The following SHANK1 variants were observed in gnomAD, a reference collection of about 807,000 sequenced individuals.
SHANK1 encodes the protein SH3 and multiple ankyrin repeat domains 1, also known as SH3 and multiple ankyrin repeat domains protein 1.
A neutral mutation model predicts 165.6 loss-of-function variants in SHANK1; 35 were observed. That is an observed-to-expected ratio of 0.21 (90% CI 0.16 to 0.28). The LOEUF is 0.28. Among genes scored for constraint, SHANK1 ranks in the 10% least tolerant of loss-of-function variants. The pLI is 1.00. For synonymous variants in SHANK1, 1,428 were observed against 1,384.8 expected, an observed-to-expected ratio of 1.03 and a Z score of -0.69; for missense variants, 2,681 against 3,036.4, an observed-to-expected ratio of 0.88 and a Z score of 2.75.
intron 11 of SHANK1, 69 bp downstream of exon 11, chr19:50,703,431 G>A (rs2088894609): frequency 5.8e-6 from 8 of 1,373,392 alleles, no homozygotes; most frequent in Non-Finnish European, 7.9e-6. Flanking sequence ...TGGCCTCGGG[G>A]GAAGCCGCCG....
intron 15 of SHANK1, among the ~76,000 whole-genome samples, chr19:50,694,229 A>C (rs1229144914): frequency 6.6e-6 from 1 of 151,820 alleles, no homozygotes; most frequent in African/African-American, 2.4e-5. Flanking sequence ...AGGCAGTCAC[A>C]CACACGCACA....
Position 50,686,301 on chromosome 19 carries a change from C to T in SHANK1, c.2513G>A (p.Ser838Asn). The change falls in exon 21 of 24, where the codon AGC becomes AAC. Residue 838 changes from serine to asparagine, a missense_variant. Physicochemically the swap from Ser to Asn is conservative, Grantham distance 46. Around this residue, in one of 10 missense-constraint regions of SHANK1, gnomAD observed 206 missense variants for 216.0 expected, o/e 0.95. Transcript: ENST00000293441. The surrounding 1 kb of genome is among the most constrained non-coding windows in gnomAD (Gnocchi z 5.7). ...GGACGCGAGGCCACCGGGACCAGGG[C>T]TTTCGCTTGCACTGATGGTCTGTTG... ...AAQQTISASESPGPGGLASLG... is the reference protein window; with the variant it reads ...AAQQTISASENPGPGGLASLG... 2 of 1,607,634 alleles carry T rather than the reference C, an allele frequency of 1.2e-6. No homozygotes were observed. Among genetic ancestry groups the T allele is most frequent in the Non-Finnish European group, 1.7e-6 (2 of 1,176,614 alleles).
chr19:50,716,570 G>A lies in SHANK1; in HGVS notation c.256-92C>T, dbSNP rs1363918655. 1.3e-6 allele frequency: 2 copies of A among 1,563,544 alleles called. No homozygotes were observed. The highest frequency in any genetic ancestry group is 4.5e-5 in the East Asian group (2 of 44,370). On this transcript the variant is annotated intron_variant, in intron 2 of 23. Coordinates refer to ENST00000293441, the MANE Select transcript of SHANK1 (RefSeq NM_016148.5). This position sits in a 1 kb window ranked among gnomAD's most constrained non-coding sequence, Gnocchi z 8.4. Reference sequence around the variant, plus strand: ...AAGTGAGCCAGGAGCTGAGTGTGGGGGTGATTCCTGGGAGGATACCCAGCA... The same window carrying A: ...AAGTGAGCCAGGAGCTGAGTGTGGGAGTGATTCCTGGGAGGATACCCAGCA...
At chr19:50,704,557 A>T in intron 8 of SHANK1, 43 bp from the exon 9 acceptor site, 1 of 1,551,966 alleles carries the variant, frequency 6.4e-7, no homozygotes, top group South Asian at 1.1e-5. Context: ...AGAGAGAGAA[A>T]AAATTAAGAT....
intron 12 of SHANK1, among the ~76,000 whole-genome samples, chr19:50,700,982 C>A (rs1411714473): frequency 1.3e-5 from 2 of 152,122 alleles, no homozygotes; most frequent in African/African-American, 4.8e-5. Flanking sequence ...AGACCAGTGA[C>A]TTATGACCTC....
intron 6 of SHANK1, 108 bp from the exon 7 acceptor site, chr19:50,712,222 G>T: frequency 8.6e-7 from 1 of 1,160,414 alleles, no homozygotes; most frequent in Non-Finnish European, 1.2e-6. Flanking sequence ...GACCTACAGT[G>T]GCCAATGACA....
intron 22 of SHANK1, 42 bp from the exon 23 acceptor site, chr19:50,669,327 G>A (rs550698886): frequency 1.4e-6 from 2 of 1,384,242 alleles, no homozygotes; most frequent in East Asian, 2.4e-5. Context: ...CCCTGGCGGG[G>A]AGGGTCTCCC....
intron 3 of SHANK1, 122 bp from the exon 4 acceptor site, chr19:50,715,852 G>C (rs2089063205): frequency 1.1e-6 from 1 of 932,160 alleles, no homozygotes; most frequent in African/African-American, 1.6e-5. Context: ...CTCAGGGTGG[G>C]AGTGAAAACA....
Position 50,716,740 on chromosome 19 carries a change from G to A in SHANK1, c.180C>T (p.Arg60=). 1 of 1,608,674 alleles carries A rather than the reference G, an allele frequency of 6.2e-7. No individual in the cohort carries two copies. Among genetic ancestry groups the A allele is most frequent in the Non-Finnish European group, 8.5e-7 (1 of 1,177,520 alleles). Residue 60 remains arginine (R), a synonymous_variant, in exon 2 of 24, where the codon CGC becomes CGT. Coordinates refer to ENST00000293441, the MANE Select transcript of SHANK1 (RefSeq NM_016148.5). The surrounding 1 kb of genome is among the most constrained non-coding windows in gnomAD (Gnocchi z 8.4). ...SLASVRGLQG[R]SMSVPDDAHF... ...GGGCGTCGTCTGGGACGGACATTGAGCGGCCCTGGAGGCCTCTAACAGAGG... is the reference window on the plus strand; with the variant it reads ...GGGCGTCGTCTGGGACGGACATTGAACGGCCCTGGAGGCCTCTAACAGAGG...
Position 50,667,024 on chromosome 19 carries a change from G to T in SHANK1, c.4936C>A (p.His1646Asn). The T allele has an allele frequency of 6.4e-7, 1 of 1,553,126 alleles. No homozygotes were observed. Among genetic ancestry groups the T allele is most frequent in the East Asian group, 2.3e-5 (1 of 43,446 alleles). The change falls in exon 23 of 24, where the codon CAT becomes AAT. Residue 1646 changes from histidine to asparagine, a missense_variant. His to Asn is a moderately conservative substitution (Grantham distance 68). Transcript: ENST00000293441. The surrounding 1 kb of genome is among the most constrained non-coding windows in gnomAD (Gnocchi z 5.7). ...QGASAAPGDP[H>N]PPGPPAPAAP... Reference sequence around the variant, plus strand: ...GCTGGGGCAGGCGGGCCTGGTGGATGGGGGTCCCCAGGAGCGGCGGAGGCC... The same window carrying T: ...GCTGGGGCAGGCGGGCCTGGTGGATTGGGGTCCCCAGGAGCGGCGGAGGCC...
In SHANK1 at chr19:50,686,697, C is replaced by A; in HGVS notation, c.2458+47G>T. ...GGTGGGACAGGGATGCAGCGGGTGC[C>A]GGGGCTGGGGCCCGGCATCCCGAGG... On this transcript the variant is annotated intron_variant, in intron 20 of 23. Coordinates refer to ENST00000293441, the MANE Select transcript of SHANK1 (RefSeq NM_016148.5). This position sits in a 1 kb window ranked among gnomAD's most constrained non-coding sequence, Gnocchi z 5.7. 1.3e-6 allele frequency: 2 copies of A among 1,579,440 alleles called. No homozygotes were observed. Among genetic ancestry groups the A allele is most frequent in the Non-Finnish European group, 8.7e-7 (1 of 1,151,676 alleles).
rs115768827 is a variant in SHANK1 at position 50,676,662 on chromosome 19, T to C, written c.2578-4548A>G. On this transcript the variant is annotated intron_variant, in intron 21 of 23. Coordinates refer to ENST00000293441, the MANE Select transcript of SHANK1 (RefSeq NM_016148.5). ...TCCTTTAACTGATGACAGTTTGGAG[T>C]CATCATCATTATTTGCTTGCTTGTT... Among the ~76,000 whole-genome samples, 504 of 151,548 alleles carry C rather than the reference T, an allele frequency of 3.3e-3. 2 individuals carry two copies. Among genetic ancestry groups the C allele is most frequent in the African/African-American group, 0.012 (491 of 41,474 alleles).
chr19:50,668,413 TG>T lies in SHANK1; in HGVS notation c.3546del (p.Thr1183ProfsTer160). On this transcript the variant is annotated frameshift_variant, in exon 23 of 24. Transcript: ENST00000293441. LOFTEE classifies it high-confidence loss of function. ...CCGCCTCCCGTGGGCTCCGGCTGGG[TG>T]GGGGGCTCCGCCTCGGTGCTGCTGC... ...SQGSSTEAEP[P>X]TQPEPTGGGG... The T allele has an allele frequency of 2.3e-6, 3 of 1,305,326 alleles. No individual in the cohort carries two copies. Among genetic ancestry groups the T allele is most frequent in the South Asian group, 2.9e-5 (1 of 34,474 alleles). 80.9% of individuals were successfully genotyped at this position (1,305,326 alleles called of 1,614,324 possible).
chr19:50,679,507 C>A (rs1026870057), intron 21 of SHANK1, among the ~76,000 whole-genome samples: 2 of 152,160 alleles, frequency 1.3e-5, no homozygotes, highest in African/African-American at 4.8e-5. Context: ...CACCAACCAA[C>A]GGGAGCATTC....
rs1985114271 is a variant in SHANK1, at chr19:50,659,731, C to T, written c.*2234G>A. Among the ~76,000 whole-genome samples, 1 of 149,338 alleles carries T rather than the reference C, an allele frequency of 6.7e-6. No individual in the cohort carries two copies. Among genetic ancestry groups the T allele is most frequent in the Non-Finnish European group, 1.5e-5 (1 of 67,202 alleles). On this transcript the variant is annotated 3_prime_UTR_variant, in exon 24 of 24. Transcript: ENST00000293441. ...CTCTCCTCTCCACCCCGCGCTGTCC[C>T]CGCATTCGGTCCCTCCCCACTCCCC...
At position 50,689,446 on chromosome 19, in the gene SHANK1, C is replaced by T. The variant is rs1485187781; in HGVS notation, c.1965-167G>A. 9 of 709,690 alleles carry T rather than the reference C, an allele frequency of 1.3e-5. No homozygotes were observed. The South Asian group carries it at 1.4e-4, about 11-fold the overall frequency. The allele number at this position is 709,690 out of a possible 1,614,324, so 44.0% of individuals were successfully genotyped here. Reference sequence around the variant, plus strand: ...CACCCACTCTGTGTGTGTATGCTAGCCCTGATGGGCTTCCCCCTCAGAGCC... The same window carrying T: ...CACCCACTCTGTGTGTGTATGCTAGTCCTGATGGGCTTCCCCCTCAGAGCC... On this transcript the variant is annotated intron_variant, in intron 15 of 23. Transcript: ENST00000293441.
rs986288179 is a variant in SHANK1 at position 50,661,463 on chromosome 19, G to A, written c.*502C>T. The stretch of plus-strand genomic sequence containing the variant: ...GAGGTGAGCAGGCGTGCAACGGAGC[G>A]TGCAAGAGGCTGAGGGGGGCAGCTG... On this transcript the variant is annotated 3_prime_UTR_variant, in exon 24 of 24. Transcript: ENST00000293441. Among the ~76,000 whole-genome samples, 4 of 151,394 alleles carry A rather than the reference G, an allele frequency of 2.6e-5. No homozygotes were observed. The highest frequency in any genetic ancestry group is 4.4e-5 in the Non-Finnish European group (3 of 67,822).
At chr19:50,677,370 C>T (rs1366766178) in intron 21 of SHANK1, among the ~76,000 whole-genome samples, 9 of 152,132 alleles carry the variant, frequency 5.9e-5, no homozygotes, top group Admixed American at 5.2e-4. Context: ...TCAGGTGACC[C>T]ACCCACCTTG....
At position 50,704,459 on chromosome 19, in the gene SHANK1, T is replaced by C; in HGVS notation, c.1133A>G (p.Asn378Ser). The C allele has an allele frequency of 6.2e-7, 1 of 1,614,172 alleles. No homozygotes were observed. The highest frequency in any genetic ancestry group is 1.1e-5 in the South Asian group (1 of 91,068). The stretch of plus-strand genomic sequence containing the variant: ...GACCTGGAAGGGGGTCTGTCCGTTG[T>C]TGTTCTTCACATCCTTGTCGGCACC... ...YRGADKDVKN[N>S]NGQTPFQVAV... is the part of the protein sequence containing the mutation. Residue 378 changes from asparagine to serine, a missense_variant, in exon 9 of 24, where the codon AAC becomes AGC. Coordinates refer to ENST00000293441, the MANE Select transcript of SHANK1 (RefSeq NM_016148.5).
Sources: gnomAD v4.1 joint callset for allele counts (sites outside exome capture counted in the v4.1 genomes callset) on GRCh38, gnomAD v4.1.1 for gene constraint, gnomAD v4.1.1 regional missense constraint, Gnocchi (gnomAD v3.1) non-coding constraint, MANE v1.5 for transcripts, NCBI Gene and HGNC (gene_info 2026-07-23, HGNC 2026-07-21) for gene names.